The following AFF1 variants were observed in gnomAD, a reference collection of about 807,000 sequenced individuals.
AFF1 encodes AF4/FMR2 family member 1.
AFF1 carries 48 observed loss-of-function variants against 121.7 expected under a neutral mutation model. That is an observed-to-expected ratio of 0.39 (90% CI 0.31 to 0.50). The LOEUF (loss-of-function observed/expected upper bound fraction) is 0.50, where lower values mean the gene tolerates loss of function less well. Ranked by LOEUF, AFF1 falls within the 20% of genes least tolerant of loss-of-function variation. The probability of loss-of-function intolerance (pLI) is 0.76; values close to 1 mark genes in which losing one functional copy is unlikely to be tolerated. For synonymous variants in AFF1, 613 were observed against 563.0 expected, an observed-to-expected ratio of 1.09 and a Z score of -1.26; for missense variants, 1,523 against 1,511.7, an observed-to-expected ratio of 1.01 and a Z score of -0.12.
At chr4:87,030,595 G>A (rs934633279) in intron 2 of AFF1, among the ~76,000 whole-genome samples, 1 of 151,598 alleles carries the variant, frequency 6.6e-6, no homozygotes, top group Non-Finnish European at 1.5e-5. Context: ...GGAAATAAGC[G>A]AACAGTTTGG....
Position 87,127,175 on chromosome 4 carries a change from C to CT in AFF1, c.2903+58_2903+59insT, listed in dbSNP as rs765174636. The CT allele has an allele frequency of 8.2e-6, 10 of 1,219,302 alleles. 1 individual carries two copies. In the Admixed American group the frequency reaches 1.4e-4, roughly 17 times the overall value. The allele number at this position is 1,219,302 out of a possible 1,614,324, so 75.5% of individuals were successfully genotyped here. On this transcript the variant is annotated intron_variant, in intron 15 of 20. Transcript: ENST00000395146. ...TTTGTTTTGTTTTGCTTCCCCCCCC[C>CT]ACCAAGATAGAGTCTCACTCTGTCA...
rs907323557 is a variant in AFF1, at chr4:87,139,787, G to A, written c.*4086G>A. 8.8e-6 allele frequency: 2 copies of A among 226,078 alleles called. No individual in the cohort carries two copies. The highest frequency in any genetic ancestry group is 4.5e-5 in the African/African-American group (2 of 44,826). The allele number at this position is 226,078 out of a possible 1,614,324, so 14.0% of individuals were successfully genotyped here. ...GGGTTTTCCTTCAAACACTGCAAGT[G>A]ATATTGCCACCATGTGAACCTCAAA... On this transcript the variant is annotated 3_prime_UTR_variant, in exon 21 of 21. Coordinates refer to ENST00000395146, the MANE Select transcript of AFF1 (RefSeq NM_001166693.3).
intron 5 of AFF1, among the ~76,000 whole-genome samples, chr4:87,088,693 C>CT (rs1723983694): frequency 6.6e-6 from 1 of 152,168 alleles, no homozygotes; most frequent in Non-Finnish European, 1.5e-5. Flanking sequence ...CAACCTCCAC[C>CT]TGCCAGGTTC....
At chr4:86,985,826 A>C (rs1336804788) in intron 2 of AFF1, among the ~76,000 whole-genome samples, 1 of 152,100 alleles carries the variant, frequency 6.6e-6, no homozygotes. Context: ...GCTGTAACTC[A>C]GTGTAACTAA....
intron 2 of AFF1, chr4:86,949,825 G>A (rs531222397): frequency 1.1e-5 from 18 of 1,614,012 alleles, no homozygotes; most frequent in East Asian, 1.1e-4. Flanking sequence ...TGGCGAAACC[G>A]ATCCAGGACC....
chr4:87,062,255 A>G (rs1334992232), intron 4 of AFF1, among the ~76,000 whole-genome samples: 1 of 152,230 alleles, frequency 6.6e-6, no homozygotes, highest in African/African-American at 2.4e-5. Context: ...TAACAGATTG[A>G]GTGTCTGATA....
At chr4:86,998,151 T>C (rs1392902771) in intron 2 of AFF1, among the ~76,000 whole-genome samples, 1 of 147,946 alleles carries the variant, frequency 6.8e-6, no homozygotes, top group African/African-American at 2.5e-5. Context: ...TGGACAGCTT[T>C]AGTATCAAGA....
At chr4:86,949,539 T>TATTTTTA (rs1553907626) in intron 2 of AFF1, 8 of 145,422 alleles carry the variant, frequency 5.5e-5, no homozygotes, top group Non-Finnish European at 9.7e-5. Flanking sequence ...TTATTATTAT[T>TATTTTTA]TTTTTTTTTT....
Position 87,046,159 on chromosome 4 carries a change from G to C in AFF1, c.39-7G>C. 1.2e-6 allele frequency: 2 copies of C among 1,609,550 alleles called. No individual in the cohort carries two copies. Among genetic ancestry groups the C allele is most frequent in the East Asian group, 2.2e-5 (1 of 44,860 alleles). On this transcript the variant is annotated splice_polypyrimidine_tract_variant and splice_region_variant and intron_variant, in intron 2 of 20. Transcript: ENST00000395146. Reference sequence around the variant, plus strand: ...TTGTTTTCATTCTTTTGTGGCATCTGAAACAGTTTGTACAATGACGACAGA... The same window carrying C: ...TTGTTTTCATTCTTTTGTGGCATCTCAAACAGTTTGTACAATGACGACAGA...
At chr4:87,005,786 G>A (rs1726063312) in intron 2 of AFF1, among the ~76,000 whole-genome samples, 1 of 152,032 alleles carries the variant, frequency 6.6e-6, no homozygotes, top group African/African-American at 2.4e-5. Flanking sequence ...CTTCATTAAC[G>A]ACAATCATAA....
At chr4:87,033,315 A>G (rs1209719518) in intron 2 of AFF1, among the ~76,000 whole-genome samples, 1 of 152,210 alleles carries the variant, frequency 6.6e-6, no homozygotes, top group Non-Finnish European at 1.5e-5. Context: ...GCAAGTCTAA[A>G]TGCTGAGCAT....
At position 87,081,362 on chromosome 4, in the gene AFF1, C is replaced by A. The variant is rs111310717; in HGVS notation, c.1060-2758C>A. Among the ~76,000 whole-genome samples, 760 of 151,884 alleles carry A rather than the reference C, an allele frequency of 5.0e-3. 7 individuals are homozygous for A. Among genetic ancestry groups the A allele is most frequent in the African/African-American group, 0.017 (722 of 41,400 alleles). Reference sequence around the variant, plus strand: ...ATTTTTAGTAGAGATGGGGTTTCACCGTGTTAGCCAGGATGGTCTCTTATC... The same window carrying A: ...ATTTTTAGTAGAGATGGGGTTTCACAGTGTTAGCCAGGATGGTCTCTTATC... On this transcript the variant is annotated intron_variant, in intron 4 of 20. Transcript: ENST00000395146.
chr4:86,950,117 G>T, intron 2 of AFF1: 1 of 1,607,696 alleles, frequency 6.2e-7, no homozygotes, highest in Non-Finnish European at 8.5e-7. Flanking sequence ...AAAGGGAGCA[G>T]GGCAGGGATG....
At chr4:86,960,815 C>T (rs1722093813) in intron 2 of AFF1, among the ~76,000 whole-genome samples, 1 of 152,154 alleles carries the variant, frequency 6.6e-6, no homozygotes, top group Non-Finnish European at 1.5e-5. Context: ...TCAGTCCAAG[C>T]CCTACCAGAT....
In AFF1 at chr4:86,949,342, T is replaced by C. The variant is rs531389109; in HGVS notation, c.38+771T>C. The stretch of plus-strand genomic sequence containing the variant: ...GTTGACCACGCTGGTCTCTAACCCC[T>C]GACCTCAGGTGATCCCCCTGCCTCG... On this transcript the variant is annotated intron_variant, in intron 2 of 20. Transcript: ENST00000395146. Among the ~76,000 whole-genome samples the C allele has an allele frequency of 2.0e-5, 3 of 150,402 alleles. No individual in the cohort carries two copies. The South Asian group carries it at 6.3e-4, about 31-fold the overall frequency.
chr4:86,941,605 T>C (rs1720462784), intron 1 of AFF1, among the ~76,000 whole-genome samples: 1 of 152,106 alleles, frequency 6.6e-6, no homozygotes, highest in South Asian at 2.1e-4. Context: ...TGAGCCAAGA[T>C]TGTGCCATTG....
At chr4:87,044,532 A>G (rs1460905313) in intron 2 of AFF1, among the ~76,000 whole-genome samples, 1 of 152,234 alleles carries the variant, frequency 6.6e-6, no homozygotes, top group Non-Finnish European at 1.5e-5. Flanking sequence ...CATTTGAATC[A>G]TTCCAGAGAT....
intron 4 of AFF1, among the ~76,000 whole-genome samples, chr4:87,054,197 C>T (rs1202175352): frequency 1.3e-5 from 2 of 152,244 alleles, no homozygotes; most frequent in Admixed American, 6.5e-5. Flanking sequence ...CAGGCCCTCC[C>T]CTAGGGGGGC....
intron 5 of AFF1, among the ~76,000 whole-genome samples, chr4:87,086,477 A>G (rs1181787451): frequency 6.6e-6 from 1 of 152,122 alleles, no homozygotes; most frequent in Non-Finnish European, 1.5e-5. Context: ...GAAATGCTTG[A>G]GAGAGAGTGG....
Sources: allele counts gnomAD v4.1 joint callset (sites outside exome capture counted in the v4.1 genomes callset), GRCh38; gene constraint gnomAD v4.1.1; transcripts MANE v1.5; gene names NCBI Gene and HGNC (gene_info 2026-07-23, HGNC 2026-07-21).